The following SORCS2 variants were observed in gnomAD, a reference collection of about 807,000 sequenced individuals.
The protein encoded by SORCS2 is VPS10 domain-containing receptor SorCS2.
In SORCS2, 100 loss-of-function variants were observed where a neutral mutation model predicts 141.6. That is an observed-to-expected ratio of 0.71 (90% CI 0.60 to 0.83). The LOEUF (loss-of-function observed/expected upper bound fraction) is 0.83. Among genes scored for constraint, SORCS2 ranks in the 40% least tolerant of loss-of-function variants. The probability of loss-of-function intolerance (pLI) is 0.00; values close to 1 mark genes in which losing one functional copy is unlikely to be tolerated. For synonymous variants in SORCS2, 789 were observed against 676.9 expected (o/e 1.17, Z -2.57); for missense variants, 1,646 against 1,560.2 (o/e 1.05, Z -0.93).
rs1205577468 is a variant in SORCS2 at position 7,207,967 on chromosome 4, G to A, written c.480+14841G>A. Among the ~76,000 whole-genome samples, 7 of 152,230 alleles carry A rather than the reference G, an allele frequency of 4.6e-5. No individual in the cohort carries two copies. The South Asian group carries it at 1.5e-3, about 32-fold the overall frequency. On this transcript the variant is annotated intron_variant, in intron 1 of 26. Coordinates refer to ENST00000507866, the MANE Select transcript of SORCS2 (RefSeq NM_020777.3). ...GCAATGACGGGGAAATCCAAAACCC[G>A]GGAACTTCTGGGACTTGTCTGGGGC...
In SORCS2 at chr4:7,243,279, G is replaced by C. The variant is rs191313879; in HGVS notation, c.480+50153G>C. On this transcript the variant is annotated intron_variant, in intron 1 of 26. Coordinates refer to ENST00000507866, the MANE Select transcript of SORCS2 (RefSeq NM_020777.3). Reference sequence around the variant, plus strand: ...GTTTTGGATTTTGGGCAAAGAAGGGGCTAGGGTTGAGGAGATCTTGGCCAT... The same window carrying C: ...GTTTTGGATTTTGGGCAAAGAAGGGCCTAGGGTTGAGGAGATCTTGGCCAT... 2.2e-3 allele frequency among the ~76,000 whole-genome samples: 339 copies of C among 152,294 alleles called. 2 individuals are homozygous for C. The highest frequency in any genetic ancestry group is 7.9e-3 in the African/African-American group (327 of 41,548).
intron 1 of SORCS2, among the ~76,000 whole-genome samples, chr4:7,243,064 G>A (rs1180650212): frequency 6.6e-6 from 1 of 152,070 alleles, no homozygotes; most frequent in East Asian, 1.9e-4. Context: ...GGGTTGGCTC[G>A]GCGCCCTGGT....
intron 3 of SORCS2, among the ~76,000 whole-genome samples, chr4:7,597,365 GGGCTGTGCAATAGGAGA>G (rs1717342410): frequency 1.3e-5 from 2 of 150,770 alleles, no homozygotes; most frequent in South Asian, 4.3e-4. Context: ...ATGAGAGAGG[GGGCTGTGCAATAGGAGA>G]GGCTGTGCAA....
rs534482606 is a variant in SORCS2 at position 7,475,566 on chromosome 4, C to G, written c.549-55964C>G. On this transcript the variant is annotated intron_variant, in intron 2 of 26. Transcript: ENST00000507866. ...GCTGCCCCCCTCCTGCCACTTGTCT[C>G]CCAGGGAACCCAGGATCCTGGAGCC... is the stretch of plus-strand genomic sequence containing the variant. Among the ~76,000 whole-genome samples, 8 of 152,338 alleles carry G rather than the reference C, an allele frequency of 5.3e-5. No homozygotes were observed. In the South Asian group the frequency reaches 1.7e-3, roughly 32 times the overall value.
intron 24 of SORCS2, 52 bp from the exon 25 acceptor site, chr4:7,734,220 A>C: frequency 7.3e-7 from 1 of 1,378,944 alleles, no homozygotes; most frequent in Non-Finnish European, 1.0e-6. Context: ...TGGGGATGGG[A>C]CAGGGATGGG....
intron 2 of SORCS2, chr4:7,433,323 T>G (rs1727015077): frequency 7.1e-7 from 1 of 1,408,438 alleles, no homozygotes; most frequent in East Asian, 2.7e-5. Flanking sequence ...GTCACGCGTG[T>G]TCCCCAGCGT....
At chr4:7,485,456 C>T (rs1295975104) in intron 2 of SORCS2, among the ~76,000 whole-genome samples, 2 of 152,248 alleles carry the variant, frequency 1.3e-5, no homozygotes, top group Non-Finnish European at 2.9e-5. Flanking sequence ...TGGGCCCCAC[C>T]CCTCACCTGG....
intron 6 of SORCS2, among the ~76,000 whole-genome samples, chr4:7,662,899 G>A (rs547089045): frequency 1.8e-4 from 27 of 152,364 alleles, no homozygotes; most frequent in Admixed American, 1.5e-3. Context: ...TCCAGGCCTG[G>A]AACACTGAGA....
chr4:7,229,669 CGGTCGTGGGTGTTCCAG>C (rs1189769116), intron 1 of SORCS2, among the ~76,000 whole-genome samples: 1 of 152,256 alleles, frequency 6.6e-6, no homozygotes, highest in Non-Finnish European at 1.5e-5. Context: ...GCTTCTGTCA[CGGTCGTGGGTGTTCCAG>C]GGTCGTGGGT....
chr4:7,606,473 G>T (rs749154553), intron 3 of SORCS2, among the ~76,000 whole-genome samples: 2 of 152,012 alleles, frequency 1.3e-5, no homozygotes, highest in Non-Finnish European at 2.9e-5. Context: ...GCTGCAAACG[G>T]TCACCTCCCA....
chr4:7,661,568 A>C lies in SORCS2; in HGVS notation c.952+4A>C. On this transcript the variant is annotated splice_donor_region_variant and intron_variant, in intron 6 of 26. Transcript: ENST00000507866. ...GAAGCCCAAGACCTCGGTGGAGGTA[A>C]GCCGGGCAGTGCACAGGCACCGGGT... The C allele has an allele frequency of 6.4e-7, 1 of 1,551,644 alleles. No homozygotes were observed. The highest frequency in any genetic ancestry group is 8.7e-7 in the Non-Finnish European group (1 of 1,147,014).
intron 3 of SORCS2, among the ~76,000 whole-genome samples, chr4:7,591,114 G>A (rs1434309274): frequency 1.3e-5 from 2 of 152,126 alleles, no homozygotes; most frequent in African/African-American, 2.4e-5. Context: ...AGTGGGCACC[G>A]GGCCAGCGCG....
In SORCS2 at chr4:7,676,085, G is replaced by A; in HGVS notation, c.1197G>A (p.Val399=). The A allele has an allele frequency of 6.3e-7, 1 of 1,588,988 alleles. No homozygotes were observed. Among genetic ancestry groups the A allele is most frequent in the Non-Finnish European group, 8.6e-7 (1 of 1,166,398 alleles). ...LQIISTDESQ[V]FVAVQEWYQM... Reference sequence around the variant, plus strand: ...TCATCAGCACGGACGAGAGTCAGGTGTTCGTGGCGGTGCAGGAGTGGTACC... The same window carrying A: ...TCATCAGCACGGACGAGAGTCAGGTATTCGTGGCGGTGCAGGAGTGGTACC... Residue 399 remains valine, a synonymous_variant, in exon 9 of 27, where the codon GTG becomes GTA. Transcript: ENST00000507866.
chr4:7,588,321 T>C (rs11735301), intron 3 of SORCS2, among the ~76,000 whole-genome samples: 100,515 of 152,012 alleles, frequency 0.66, 33,941 homozygotes, highest in Middle Eastern at 0.71. Flanking sequence ...TTTCATGCGG[T>C]TGTTGGTTTT....
intron 24 of SORCS2, 103 bp downstream of exon 24, chr4:7,733,524 C>T: frequency 1.1e-6 from 1 of 942,898 alleles, no homozygotes; most frequent in Non-Finnish European, 1.6e-6. Flanking sequence ...CCGTATCCCC[C>T]TCCTGGTGGG....
chr4:7,620,502 C>T (rs1719094008), intron 3 of SORCS2, among the ~76,000 whole-genome samples: 1 of 152,224 alleles, frequency 6.6e-6, no homozygotes, highest in South Asian at 2.1e-4. Flanking sequence ...GTGCAACTTC[C>T]CAGGCGAGGG....
rs148687887 is a variant in SORCS2, at chr4:7,675,577, G to C, written c.1162-473G>C. On this transcript the variant is annotated intron_variant, in intron 8 of 26. Coordinates refer to ENST00000507866, the MANE Select transcript of SORCS2 (RefSeq NM_020777.3). ...GGCATCCAGTGGCTGGAAAGTTTCT[G>C]GCATGGAGTTGGTACTTCCCAAATG... Among the ~76,000 whole-genome samples, 745 of 152,344 alleles carry C rather than the reference G, an allele frequency of 4.9e-3. 9 individuals are homozygous for C. Among genetic ancestry groups the C allele is most frequent in the African/African-American group, 0.017 (703 of 41,598 alleles).
intron 2 of SORCS2, among the ~76,000 whole-genome samples, chr4:7,455,130 G>C (rs1268495097): frequency 4.4e-5 from 2 of 45,676 alleles, no homozygotes; most frequent in African/African-American, 1.6e-4. Flanking sequence ...TTGGGGTCAG[G>C]TGCTGTGTTG....
chr4:7,327,160 G>C (rs1431371593), intron 1 of SORCS2, among the ~76,000 whole-genome samples: 1 of 152,228 alleles, frequency 6.6e-6, no homozygotes, highest in Non-Finnish European at 1.5e-5. Flanking sequence ...CCACCGAGCT[G>C]GGGGCGTCAA....
Sources: gnomAD v4.1 joint callset for allele counts (sites outside exome capture counted in the v4.1 genomes callset) on GRCh38, gnomAD v4.1.1 for gene constraint, MANE v1.5 for transcripts, NCBI Gene and HGNC (gene_info 2026-07-23, HGNC 2026-07-21) for gene names.